PRR5L: variants seen among roughly 807,000 people sequenced by gnomAD.
The protein encoded by PRR5L is proline rich 5 like.
A neutral mutation model predicts 36.4 loss-of-function variants in PRR5L; 21 were observed. That is an observed-to-expected ratio of 0.58 (90% CI 0.41 to 0.83). The LOEUF (loss-of-function observed/expected upper bound fraction) is 0.83, where lower values mean the gene tolerates loss of function less well. PRR5L is among the 40% of genes least tolerant of loss of function. The pLI is 0.00. For synonymous variants in PRR5L, 188 were observed against 197.0 expected (o/e 0.95, Z 0.38); for missense variants, 381 against 473.3 (o/e 0.80, Z 1.81).
intron 1 of PRR5L, among the ~76,000 whole-genome samples, chr11:36,330,721 TACA>T (rs1371852015): frequency 2.0e-5 from 3 of 152,226 alleles, no homozygotes; most frequent in Non-Finnish European, 4.4e-5. Context: ...GACATATTAA[TACA>T]ACATTTAGAG....
At chr11:36,388,117 G>T (rs552120049) in intron 1 of PRR5L, 1 of 152,334 alleles carries the variant, frequency 6.6e-6, no homozygotes, top group African/African-American at 2.4e-5. Context: ...GCCCATTTAT[G>T]ATGCATAGCG....
At chr11:36,298,985 G>T (rs970295338) in intron 1 of PRR5L, among the ~76,000 whole-genome samples, 1 of 152,162 alleles carries the variant, frequency 6.6e-6, no homozygotes, top group Non-Finnish European at 1.5e-5. Context: ...CATTTTTAAA[G>T]GTCCTGCTTC....
At position 36,350,084 on chromosome 11, in the gene PRR5L, G is replaced by T. The variant is rs191318; in HGVS notation, c.-125-50913G>T. 4 of 150,758 alleles carry T rather than the reference G, an allele frequency of 2.7e-5. No homozygotes were observed. In the East Asian group the frequency reaches 7.8e-4, roughly 29 times the overall value. The allele number at this position is 150,758 out of a possible 1,614,324, so 9.3% of individuals were successfully genotyped here. On this transcript the variant is annotated intron_variant, in intron 1 of 8. Coordinates refer to ENST00000530639, the MANE Select transcript of PRR5L (RefSeq NM_001160167.2). ...AAAAGAGGTCAGTTAGGAGTTTCTT[G>T]CTGTAATCCAAGTGGTGACAATGAG...
chr11:36,307,639 C>G (rs1040564088), intron 1 of PRR5L, among the ~76,000 whole-genome samples: 6 of 152,160 alleles, frequency 3.9e-5, no homozygotes, highest in African/African-American at 1.4e-4. Flanking sequence ...TTCCCCTTTC[C>G]TTTCCTTCTG....
chr11:36,310,602 G>C (rs1307565544), intron 1 of PRR5L, among the ~76,000 whole-genome samples: 8 of 152,068 alleles, frequency 5.3e-5, no homozygotes, highest in Admixed American at 5.2e-4. Context: ...TCCTACCAGG[G>C]GACTCCCAGA....
chr11:36,397,560 G>A (rs139469111), intron 1 of PRR5L, among the ~76,000 whole-genome samples: 1 of 138,794 alleles, frequency 7.2e-6, no homozygotes, highest in Non-Finnish European at 1.5e-5. Flanking sequence ...GGATTCAAGC[G>A]ATTCTCCTGC....
intron 1 of PRR5L, among the ~76,000 whole-genome samples, chr11:36,299,155 T>C (rs1565370118): frequency 6.6e-6 from 1 of 151,386 alleles, no homozygotes; most frequent in Non-Finnish European, 1.5e-5. Context: ...ATCCCAGAGG[T>C]TGGCCACAGT....
At chr11:36,399,264 CTG>C (rs957488375) in intron 1 of PRR5L, among the ~76,000 whole-genome samples, 12 of 152,194 alleles carry the variant, frequency 7.9e-5, no homozygotes, top group African/African-American at 2.9e-4. Flanking sequence ...GGGGCAAAGA[CTG>C]TACAGGAAAA....
chr11:36,348,551 A>T (rs72950054), intron 1 of PRR5L, among the ~76,000 whole-genome samples: 3,332 of 152,280 alleles, frequency 0.022, 71 homozygotes, highest in East Asian at 0.086. Context: ...TTGGGCTGGT[A>T]ATTCTATGCT....
At chr11:36,405,091 T>C (rs1474773740) in intron 3 of PRR5L, among the ~76,000 whole-genome samples, 1 of 152,182 alleles carries the variant, frequency 6.6e-6, no homozygotes, top group Non-Finnish European at 1.5e-5. Flanking sequence ...AAGCTCTGTT[T>C]GTGGACAGCT....
At chr11:36,386,776 A>T (rs1857464599) in intron 1 of PRR5L, among the ~76,000 whole-genome samples, 1 of 152,202 alleles carries the variant, frequency 6.6e-6, no homozygotes, top group Non-Finnish European at 1.5e-5. Context: ...AATGAGCCTA[A>T]TGAAACCTAC....
Position 36,431,876 on chromosome 11 carries a change from GTTC to G in PRR5L, c.321_323del (p.Phe108del). On this transcript the variant is annotated inframe_deletion, in exon 5 of 9. Coordinates refer to ENST00000530639, the MANE Select transcript of PRR5L (RefSeq NM_001160167.2). ...AGAACCAGCTTCTTGCAAAAGGACT[GTTC>G]TTTGTGGAGGAGAAGATCAAGCTGT... 1 of 1,614,170 alleles carries G rather than the reference GTTC, an allele frequency of 6.2e-7. No homozygotes were observed. The highest frequency in any genetic ancestry group is 8.5e-7 in the Non-Finnish European group (1 of 1,180,008).
chr11:36,359,986 G>A (rs1055238077), intron 1 of PRR5L, among the ~76,000 whole-genome samples: 2 of 151,586 alleles, frequency 1.3e-5, no homozygotes, highest in Admixed American at 6.6e-5. Context: ...GCAGTGAGCC[G>A]AGATCATGCC....
chr11:36,321,267 GA>G (rs1484245754), intron 1 of PRR5L: 1 of 152,156 alleles, frequency 6.6e-6, no homozygotes, highest in Non-Finnish European at 1.5e-5. Flanking sequence ...CTTCTGTAGG[GA>G]TCATTTCCTG....
intron 1 of PRR5L, among the ~76,000 whole-genome samples, chr11:36,322,969 C>G (rs1289489783): frequency 2.0e-5 from 3 of 152,184 alleles, no homozygotes; most frequent in Non-Finnish European, 2.9e-5. Flanking sequence ...CTGGCGACGA[C>G]ACCAGAAGCT....
intron 1 of PRR5L, among the ~76,000 whole-genome samples, chr11:36,305,798 C>A (rs1161249823): frequency 6.6e-6 from 1 of 152,170 alleles, no homozygotes; most frequent in African/African-American, 2.4e-5. Context: ...GACTTCCCAG[C>A]CTCCAAAACT....
chr11:36,306,760 CAAAAAAGTCTG>C (rs1856436623), intron 1 of PRR5L, among the ~76,000 whole-genome samples: 1 of 151,988 alleles, frequency 6.6e-6, no homozygotes, highest in African/African-American at 2.4e-5. Context: ...CAACCACCAC[CAAAAAAGTCTG>C]AAAGAATACA....
chr11:36,306,396 C>A (rs1451212363), intron 1 of PRR5L, among the ~76,000 whole-genome samples: 1 of 151,658 alleles, frequency 6.6e-6, no homozygotes, highest in African/African-American at 2.4e-5. Flanking sequence ...CATCTATGTC[C>A]CTGCAAAGGA....
At chr11:36,403,788 C>T (rs187719801) in intron 3 of PRR5L, among the ~76,000 whole-genome samples, 163 of 152,300 alleles carry the variant, frequency 1.1e-3, no homozygotes, top group African/African-American at 3.9e-3. Flanking sequence ...CATTTGAGTG[C>T]GTCTCTGTTG....
Sources: allele counts gnomAD v4.1 joint callset (sites outside exome capture counted in the v4.1 genomes callset), GRCh38; gene constraint gnomAD v4.1.1; transcripts MANE v1.5; gene names NCBI Gene and HGNC (gene_info 2026-07-23, HGNC 2026-07-21).